FKBP8: variants seen among roughly 807,000 people sequenced by gnomAD.
The protein encoded by FKBP8 is FKBP prolyl isomerase 8.
FKBP8 carries 5 observed loss-of-function variants against 41.7 expected under a neutral mutation model. The observed-to-expected ratio is 0.12, with a 90% confidence interval of 0.06 to 0.25. The LOEUF (loss-of-function observed/expected upper bound fraction) is 0.25, where lower values mean the gene tolerates loss of function less well. Ranked by LOEUF, FKBP8 falls within the 10% of genes least tolerant of loss-of-function variation. The probability of loss-of-function intolerance (pLI) is 1.00; values close to 1 mark genes in which losing one functional copy is unlikely to be tolerated. For missense variants in FKBP8, 397 were observed against 563.0 expected (o/e 0.71, Z 2.98); for synonymous variants, 279 against 254.5 (o/e 1.10, Z -0.92).
At chr19:18,536,212 TCA>T (rs997573968) in intron 6 of FKBP8, 2 of 152,124 alleles carry the variant, frequency 1.3e-5, no homozygotes, top group African/African-American at 4.8e-5. Context: ...TATCTGTGCC[TCA>T]GTTTCCTTCG....
In FKBP8 at chr19:18,543,509, G is replaced by T. The variant is rs1976758408; in HGVS notation, c.-49C>A. ...GCCTCTGGCTCCGGGACCCCCACTT[G>T]GGGTCCTGCGCCCCCCTCCCCGCCC... On this transcript the variant is annotated 5_prime_UTR_variant, in exon 1 of 9. Coordinates refer to ENST00000608443, the MANE Select transcript of FKBP8 (RefSeq NM_012181.5). 1 of 149,942 alleles carries T rather than the reference G, an allele frequency of 6.7e-6. No individual in the cohort carries two copies. The highest frequency in any genetic ancestry group is 1.5e-5 in the Non-Finnish European group (1 of 67,484). 9.3% of individuals were successfully genotyped at this position (149,942 alleles called of 1,614,324 possible).
At chr19:18,539,506 C>G in intron 3 of FKBP8, 45 bp downstream of exon 3, 2 of 1,611,212 alleles carry the variant, frequency 1.2e-6, no homozygotes, top group Non-Finnish European at 1.7e-6. Context: ...TCAGACCCAG[C>G]AAGGCACGCC....
rs1976610132 is a variant in FKBP8, at chr19:18,537,681, A to G, written c.865T>C (p.Tyr289His). The G allele has an allele frequency of 6.2e-7, 1 of 1,613,930 alleles. No individual in the cohort carries two copies. The highest frequency in any genetic ancestry group is 1.3e-5 in the African/African-American group (1 of 75,068). Residue 289 changes from tyrosine (Y) to histidine (H), a missense_variant, in exon 6 of 9, where the codon TAC (tyrosine) becomes CAC (histidine). Tyr to His is a moderately conservative substitution (Grantham distance 83, BLOSUM62 2). Coordinates refer to ENST00000608443, the MANE Select transcript of FKBP8 (RefSeq NM_012181.5). The surrounding 1 kb of genome is among the most constrained non-coding windows in gnomAD (Gnocchi z 4.4). ...LAASQLKLDH[Y>H]RAALRSCSLV... ...CTGCAGGAGCGCAGGGCTGCGCGGT[A>G]GTGGTCGAGCTTCAGCTGCGAGGCC...
intron 2 of FKBP8, among the ~76,000 whole-genome samples, 160 bp downstream of exon 2, chr19:18,541,519 T>C (rs1270728084): frequency 6.6e-6 from 1 of 152,170 alleles, no homozygotes; most frequent in African/African-American, 2.4e-5. Flanking sequence ...AGTCAGTGGA[T>C]AGAGTACATC....
In FKBP8 at chr19:18,539,557, G is replaced by A. The variant is rs774473648; in HGVS notation, c.456C>T (p.Val152=). 43 of 1,612,832 alleles carry A rather than the reference G, an allele frequency of 2.7e-5. No homozygotes were observed. The highest frequency in any genetic ancestry group is 3.4e-5 in the Non-Finnish European group (40 of 1,179,984). Residue 152 remains valine, a synonymous_variant, in exon 3 of 9, where the codon GTC becomes GTT. Transcript: ENST00000608443. ...GTCCCGCCCCAGCCCGCACCTGGAT[G>A]ACGTCACAGTCACCCAGAGTGAACA... ...ELVFTLGDCD[V]IQALDLSVPL... is the part of the protein sequence containing the mutation.
Position 18,541,872 on chromosome 19 carries a change from T to A in FKBP8, c.99A>T (p.Ala33=), listed in dbSNP as rs573142562. ...CCTCCTCCTCTTCCTCCTCACCCTCTGCATCCTCAACCCCATCCAGTACCT... is the reference window on the plus strand; with the variant it reads ...CCTCCTCCTCTTCCTCCTCACCCTCAGCATCCTCAACCCCATCCAGTACCT... ...DFEVLDGVED[A]EGEEEEEEEE... is the part of the protein sequence containing the mutation. Residue 33 remains alanine (A), a synonymous_variant, in exon 2 of 9, where the codon GCA becomes GCT. Coordinates refer to ENST00000608443, the MANE Select transcript of FKBP8 (RefSeq NM_012181.5). 6.2e-7 allele frequency: 1 copy of A among 1,613,724 alleles called. No individual in the cohort carries two copies. Among genetic ancestry groups the A allele is most frequent in the African/African-American group, 1.3e-5 (1 of 75,050 alleles).
rs1472154750 is a variant in FKBP8 at position 18,541,980 on chromosome 19, G to A, written c.-10C>T. On this transcript the variant is annotated 5_prime_UTR_variant, in exon 2 of 9. Transcript: ENST00000608443. Reference sequence around the variant, plus strand: ...CAGCACACGATGCCATGCTGCTGGGGGGACAGGAATTGGCCCTGGAAGTGG... The same window carrying A: ...CAGCACACGATGCCATGCTGCTGGGAGGACAGGAATTGGCCCTGGAAGTGG... The A allele has an allele frequency of 1.2e-6, 2 of 1,611,052 alleles. No homozygotes were observed. The highest frequency in any genetic ancestry group is 4.5e-5 in the East Asian group (2 of 44,796).
chr19:18,542,992 C>T, intron 1 of FKBP8: 1 of 933,344 alleles, frequency 1.1e-6, no homozygotes, highest in Non-Finnish European at 1.4e-6. Context: ...TCCCACCCCC[C>T]ACCCCAACCA....
At chr19:18,533,955 G>A (rs568109546) in intron 6 of FKBP8, among the ~76,000 whole-genome samples, 14 of 145,548 alleles carry the variant, frequency 9.6e-5, no homozygotes, top group Non-Finnish European at 1.9e-4. Flanking sequence ...CTTGCAGTGA[G>A]CCGAGATCGT....
chr19:18,539,315 A>C, intron 4 of FKBP8, 56 bp downstream of exon 4: 5 of 1,467,654 alleles, frequency 3.4e-6, no homozygotes, highest in Non-Finnish European at 4.7e-6. Context: ...GGGTACACCC[A>C]CTCCACCCAT....
intron 1 of FKBP8, chr19:18,542,822 C>T (rs1976737576): frequency 9.3e-7 from 1 of 1,075,486 alleles, no homozygotes; most frequent in Admixed American, 2.3e-5. Context: ...TCCCCCAGGC[C>T]CCAAGCTCAG....
chr19:18,542,766 C>G, intron 1 of FKBP8: 1 of 558,738 alleles, frequency 1.8e-6, no homozygotes, highest in Non-Finnish European at 2.9e-6. Context: ...CATTCTACAG[C>G]CTCTTCCTTG....
rs149393037 is a variant in FKBP8, at chr19:18,539,604, C to G, written c.409G>C (p.Val137Leu). ...AACACCAGCTCCGGCTCCTCCTGCA[C>G]CCGTGTGCCATTCTCCAGCGACGTC... is the stretch of plus-strand genomic sequence containing the variant. ...LQTSLENGTR[V>L]QEEPELVFTL... Residue 137 changes from valine (V) to leucine (L), a missense_variant, in exon 3 of 9, where the codon GTG becomes CTG. Val to Leu is a conservative substitution (Grantham distance 32, BLOSUM62 1). Coordinates refer to ENST00000608443, the MANE Select transcript of FKBP8 (RefSeq NM_012181.5). 1.9e-6 allele frequency: 3 copies of G among 1,613,342 alleles called. No homozygotes were observed. In the South Asian group the frequency reaches 3.3e-5, roughly 18 times the overall value.
In FKBP8 at chr19:18,538,089, G is replaced by T; in HGVS notation, c.772+127C>A. Reference sequence around the variant, plus strand: ...ACAGGCCCTAGCTTAGGGGCAGTTGGGGATCTACCCATATTCTGGGCTATT... The same window carrying T: ...ACAGGCCCTAGCTTAGGGGCAGTTGTGGATCTACCCATATTCTGGGCTATT... On this transcript the variant is annotated intron_variant, in intron 5 of 8. Transcript: ENST00000608443. This position sits in a 1 kb window ranked among gnomAD's most constrained non-coding sequence, Gnocchi z 4.0. 1 of 1,045,864 alleles carries T rather than the reference G, an allele frequency of 9.6e-7. No homozygotes were observed. Among genetic ancestry groups the T allele is most frequent in the Non-Finnish European group, 1.4e-6 (1 of 708,342 alleles). The allele number at this position is 1,045,864 out of a possible 1,614,324, so 64.8% of individuals were successfully genotyped here.
intron 1 of FKBP8, chr19:18,542,614 T>C (rs915103009): frequency 4.1e-5 from 9 of 221,958 alleles, no homozygotes; most frequent in African/African-American, 1.7e-4. Flanking sequence ...TTCCACACTC[T>C]GAATCTAACA....
rs1976602376 is a variant in FKBP8, at chr19:18,537,328, G to A, written c.945+273C>T. ...TGCACTCCAGCCTGGGTGACAGAGT[G>A]AGACTCTGTCTCAAGAAACAAACAA... On this transcript the variant is annotated intron_variant, in intron 6 of 8. Coordinates refer to ENST00000608443, the MANE Select transcript of FKBP8 (RefSeq NM_012181.5). The surrounding 1 kb of genome is among the most constrained non-coding windows in gnomAD (Gnocchi z 4.4). Among the ~76,000 whole-genome samples the A allele has an allele frequency of 1.3e-5, 2 of 152,032 alleles. No homozygotes were observed. Among genetic ancestry groups the A allele is most frequent in the Non-Finnish European group, 2.9e-5 (2 of 67,996 alleles).
intron 6 of FKBP8, among the ~76,000 whole-genome samples, chr19:18,535,304 T>C (rs1178471749): frequency 6.6e-6 from 1 of 152,050 alleles, no homozygotes; most frequent in African/African-American, 2.4e-5. Flanking sequence ...CAAATGATCC[T>C]CCTACCTTGG....
chr19:18,531,979 C>T lies in FKBP8; in HGVS notation c.*190G>A. The T allele has an allele frequency of 1.7e-6, 1 of 600,924 alleles. No individual in the cohort carries two copies. Among genetic ancestry groups the T allele is most frequent in the Non-Finnish European group, 3.0e-6 (1 of 331,806 alleles). 37.2% of individuals were successfully genotyped at this position (600,924 alleles called of 1,614,324 possible). A position where few individuals can be genotyped will look rare whatever the true frequency, so the allele number is the denominator to read the frequency against. On this transcript the variant is annotated 3_prime_UTR_variant, in exon 9 of 9. Transcript: ENST00000608443. ...GGGTCTGAAGGAATGAGGGCCCCCTCCCTCTGGGCTTTCCTCCTAGAGGGC... is the reference window on the plus strand; with the variant it reads ...GGGTCTGAAGGAATGAGGGCCCCCTTCCTCTGGGCTTTCCTCCTAGAGGGC...
chr19:18,542,213 C>CTCTAATAATGGCTAA, intron 1 of FKBP8: 1 of 551,728 alleles, frequency 1.8e-6, no homozygotes, highest in Non-Finnish European at 3.1e-6. Flanking sequence ...ATAGTGTTAG[C>CTCTAATAATGGCTAA]CATTATTAGA....
Sources: allele counts gnomAD v4.1 joint callset (sites outside exome capture counted in the v4.1 genomes callset), GRCh38; gene constraint gnomAD v4.1.1; non-coding constraint Gnocchi (gnomAD v3.1); transcripts MANE v1.5; gene names NCBI Gene and HGNC (gene_info 2026-07-23, HGNC 2026-07-21).